The following CNTNAP2 variants were observed in gnomAD, a reference collection of about 807,000 sequenced individuals.
CNTNAP2 encodes the protein contactin associated protein 2, also known as contactin-associated protein-like 2.
CNTNAP2 carries 98 observed loss-of-function variants against 155.2 expected under a neutral mutation model. The observed-to-expected ratio is 0.63, with a 90% CI of 0.54 to 0.75. The LOEUF (loss-of-function observed/expected upper bound fraction) is 0.75. Among genes scored for constraint, CNTNAP2 ranks in the 30% least tolerant of loss-of-function variants. The pLI is 0.00. For synonymous variants in CNTNAP2, 651 were observed against 631.2 expected (o/e 1.03, Z -0.47); for missense variants, 1,727 against 1,688.1 (o/e 1.02, Z -0.40).
At chr7:148,175,966 C>A (rs182047949) in intron 18 of CNTNAP2, among the ~76,000 whole-genome samples, 1 of 152,146 alleles carries the variant, frequency 6.6e-6, no homozygotes, top group African/African-American at 2.4e-5. Context: ...TATTCCATAC[C>A]TACTTTCCCT....
At chr7:147,075,677 A>C (rs1197836243) in intron 4 of CNTNAP2, among the ~76,000 whole-genome samples, 1 of 152,008 alleles carries the variant, frequency 6.6e-6, no homozygotes, top group Non-Finnish European at 1.5e-5. Flanking sequence ...ACATGTGTAC[A>C]ACGTGCAGGT....
At chr7:148,075,462 G>A (rs1803467271) in intron 15 of CNTNAP2, among the ~76,000 whole-genome samples, 1 of 151,932 alleles carries the variant, frequency 6.6e-6, no homozygotes, top group African/African-American at 2.4e-5. Context: ...TAATAATGCT[G>A]CTTCTGCCTG....
intron 1 of CNTNAP2, among the ~76,000 whole-genome samples, chr7:146,273,504 T>C (rs1800117129): frequency 6.6e-6 from 1 of 152,076 alleles, no homozygotes; most frequent in Non-Finnish European, 1.5e-5. Flanking sequence ...GGATTATACC[T>C]AAAGAAATGG....
intron 3 of CNTNAP2, among the ~76,000 whole-genome samples, chr7:146,894,562 G>A (rs181568785): frequency 1.4e-4 from 22 of 151,958 alleles, no homozygotes; most frequent in African/African-American, 4.3e-4. Flanking sequence ...CCTGTGGTTC[G>A]CCATGAAAAA....
intron 8 of CNTNAP2, among the ~76,000 whole-genome samples, chr7:147,240,807 T>G (rs1584813230): frequency 6.6e-6 from 1 of 152,328 alleles, no homozygotes; most frequent in East Asian, 1.9e-4. Context: ...ACTGAAGATA[T>G]ATATAAAAAT....
intron 1 of CNTNAP2, among the ~76,000 whole-genome samples, chr7:146,574,631 G>T (rs1397148227): frequency 6.6e-6 from 1 of 152,120 alleles, no homozygotes; most frequent in African/African-American, 2.4e-5. Flanking sequence ...AACCTGGGAG[G>T]CGGAGGTTGC....
At chr7:148,015,102 G>A (rs1441095323) in intron 15 of CNTNAP2, among the ~76,000 whole-genome samples, 2 of 152,080 alleles carry the variant, frequency 1.3e-5, no homozygotes, top group African/African-American at 4.8e-5. Context: ...ACTTTTATTT[G>A]TAACAGCATT....
At chr7:147,112,936 T>C (rs897341837) in intron 5 of CNTNAP2, among the ~76,000 whole-genome samples, 1 of 152,044 alleles carries the variant, frequency 6.6e-6, no homozygotes, top group South Asian at 2.1e-4. Context: ...CTTTTCAGGT[T>C]TTTGGAATAG....
At chr7:148,112,211 A>G (rs1394922494) in intron 15 of CNTNAP2, among the ~76,000 whole-genome samples, 1 of 152,234 alleles carries the variant, frequency 6.6e-6, no homozygotes, top group Non-Finnish European at 1.5e-5. Flanking sequence ...ATAGAAAAAT[A>G]AGCAAATGAA....
chr7:146,405,065 A>C (rs766027537), intron 1 of CNTNAP2, among the ~76,000 whole-genome samples: 7 of 152,074 alleles, frequency 4.6e-5, no homozygotes, highest in South Asian at 2.1e-4. Context: ...TTCCCTCAAG[A>C]TATTTGGAAT....
intron 10 of CNTNAP2, among the ~76,000 whole-genome samples, chr7:147,430,479 T>C (rs1797447149): frequency 6.6e-6 from 1 of 152,158 alleles, no homozygotes; most frequent in African/African-American, 2.4e-5. Context: ...TGTGCATATA[T>C]CTTTTGCCAG....
intron 1 of CNTNAP2, among the ~76,000 whole-genome samples, chr7:146,363,169 A>G (rs12669581): frequency 6.6e-6 from 1 of 151,956 alleles, no homozygotes; most frequent in South Asian, 2.1e-4. Context: ...ACATGTACTA[A>G]TTTTTTCTAA....
intron 1 of CNTNAP2, among the ~76,000 whole-genome samples, chr7:146,517,508 G>A (rs2129136710): frequency 6.6e-6 from 1 of 151,978 alleles, no homozygotes; most frequent in Non-Finnish European, 1.5e-5. Flanking sequence ...TGTCTGATGT[G>A]GCTTGAATGT....
At chr7:147,690,226 T>C (rs976038698) in intron 13 of CNTNAP2, among the ~76,000 whole-genome samples, 2 of 152,182 alleles carry the variant, frequency 1.3e-5, no homozygotes, top group Non-Finnish European at 2.9e-5. Context: ...CCAAAATGAC[T>C]TTTTTCCCTG....
chr7:147,025,143 G>A (rs78889580), intron 3 of CNTNAP2, among the ~76,000 whole-genome samples: 12 of 148,600 alleles, frequency 8.1e-5, no homozygotes, highest in African/African-American at 2.7e-4. Context: ...AAAATTAGCC[G>A]GGTGTGGTGG....
intron 8 of CNTNAP2, among the ~76,000 whole-genome samples, chr7:147,219,151 A>G (rs1563120984): frequency 6.6e-6 from 1 of 152,112 alleles, no homozygotes; most frequent in East Asian, 1.9e-4. Flanking sequence ...TAATGAACCC[A>G]TTTTCACAGT....
Position 146,922,138 on chromosome 7 carries a change from C to CAT in CNTNAP2, c.402+82244_402+82245dup, listed in dbSNP as rs1193693142. On this transcript the variant is annotated intron_variant, in intron 3 of 23. Transcript: ENST00000361727. ...TGCACAATCATTTTAAAATCATACA[C>CAT]ATATATATATAAAACAATTGTCTGT... Among the ~76,000 whole-genome samples the CAT allele has an allele frequency of 7.3e-5, 11 of 151,566 alleles. No individual in the cohort carries two copies. In the East Asian group the frequency reaches 7.8e-4, roughly 11 times the overall value.
At chr7:148,165,511 T>C (rs1388141823) in intron 17 of CNTNAP2, among the ~76,000 whole-genome samples, 1 of 152,190 alleles carries the variant, frequency 6.6e-6, no homozygotes, top group African/African-American at 2.4e-5. Context: ...TTCTATAGAA[T>C]GTGCCTATAC....
chr7:148,295,142 T>C (rs1267521066), intron 21 of CNTNAP2, among the ~76,000 whole-genome samples: 1 of 152,232 alleles, frequency 6.6e-6, no homozygotes, highest in Non-Finnish European at 1.5e-5. Flanking sequence ...ATTATATGTA[T>C]GTATGTGTAT....
Sources: allele counts gnomAD v4.1 joint callset (sites outside exome capture counted in the v4.1 genomes callset), GRCh38; gene constraint gnomAD v4.1.1; transcripts MANE v1.5; gene names NCBI Gene and HGNC (gene_info 2026-07-23, HGNC 2026-07-21).